The following CNTNAP2 variants were observed in gnomAD, a reference collection of about 807,000 sequenced individuals.
The protein encoded by CNTNAP2 is contactin-associated protein-like 2.
In CNTNAP2, 98 loss-of-function variants were observed where a neutral mutation model predicts 155.2. The ratio of observed to expected loss-of-function variants is 0.63; its 90% CI spans 0.54 to 0.75. The LOEUF is 0.75. Among genes scored for constraint, CNTNAP2 ranks in the 30% least tolerant of loss-of-function variants. The pLI, the probability that CNTNAP2 is intolerant of heterozygous loss-of-function variation, is 0.00. For missense variants in CNTNAP2, 1,727 were observed against 1,688.1 expected, an observed-to-expected ratio of 1.02 and a Z score of -0.40; for synonymous variants, 651 against 631.2, an observed-to-expected ratio of 1.03 and a Z score of -0.47.
At chr7:147,864,310 A>T (rs1046808564) in intron 13 of CNTNAP2, among the ~76,000 whole-genome samples, 1 of 152,204 alleles carries the variant, frequency 6.6e-6, no homozygotes, top group Admixed American at 6.5e-5. Context: ...CACCAATACC[A>T]TGCTGTTTTG....
At chr7:146,841,603 G>A (rs898304099) in intron 3 of CNTNAP2, among the ~76,000 whole-genome samples, 2 of 152,028 alleles carry the variant, frequency 1.3e-5, no homozygotes, top group African/African-American at 4.8e-5. Context: ...TAGCATGTTG[G>A]TAAAATTACT....
chr7:148,036,921 T>TAATAGCTAAAAATTCTTATCA (rs1802582766), intron 15 of CNTNAP2, among the ~76,000 whole-genome samples: 1 of 152,182 alleles, frequency 6.6e-6, no homozygotes, highest in African/African-American at 2.4e-5. Flanking sequence ...GACTGATATC[T>TAATAGCTAAAAATTCTTATCA]AATAGCTAAA....
intron 3 of CNTNAP2, among the ~76,000 whole-genome samples, chr7:146,962,242 CTG>C (rs1797570338): frequency 6.6e-6 from 1 of 152,242 alleles, no homozygotes; most frequent in Non-Finnish European, 1.5e-5. Context: ...AATAAGATAA[CTG>C]TTGAACAAAT....
intron 1 of CNTNAP2, among the ~76,000 whole-genome samples, chr7:146,568,540 A>C (rs945765387): frequency 6.6e-6 from 1 of 152,208 alleles, no homozygotes; most frequent in African/African-American, 2.4e-5. Context: ...TTGCTCTAAC[A>C]ATATTTGTTC....
At chr7:148,300,534 T>C (rs1046091645) in intron 21 of CNTNAP2, among the ~76,000 whole-genome samples, 1 of 151,588 alleles carries the variant, frequency 6.6e-6, no homozygotes, top group Non-Finnish European at 1.5e-5. Flanking sequence ...TTTTTTTTTT[T>C]TCACTGAGTT....
intron 12 of CNTNAP2, among the ~76,000 whole-genome samples, chr7:147,634,917 T>G (rs1795150946): frequency 6.6e-6 from 1 of 152,106 alleles, no homozygotes; most frequent in South Asian, 2.1e-4. Context: ...TATTCTTCCT[T>G]CTGTCACTCA....
intron 4 of CNTNAP2, among the ~76,000 whole-genome samples, chr7:147,051,624 G>A (rs567313567): frequency 6.6e-6 from 1 of 152,162 alleles, no homozygotes; most frequent in South Asian, 2.1e-4. Flanking sequence ...AGACACAGAG[G>A]TAAGAACATA....
intron 2 of CNTNAP2, among the ~76,000 whole-genome samples, chr7:146,792,509 C>T (rs1006888759): frequency 6.6e-6 from 1 of 152,094 alleles, no homozygotes; most frequent in African/African-American, 2.4e-5. Flanking sequence ...CCTGGAAAGG[C>T]CTAAATGATA....
intron 3 of CNTNAP2, among the ~76,000 whole-genome samples, chr7:146,921,288 A>G (rs1796492581): frequency 6.6e-6 from 1 of 152,184 alleles, no homozygotes; most frequent in South Asian, 2.1e-4. Context: ...TTAATTAGGA[A>G]TAAAAACTAA....
chr7:147,322,341 A>G (rs539950309), intron 9 of CNTNAP2, among the ~76,000 whole-genome samples: 1 of 152,352 alleles, frequency 6.6e-6, no homozygotes, highest in Admixed American at 6.5e-5. Context: ...CATCTTTGTA[A>G]TACTCCTATA....
At chr7:147,820,004 T>A (rs541779185) in intron 13 of CNTNAP2, among the ~76,000 whole-genome samples, 3 of 152,258 alleles carry the variant, frequency 2.0e-5, no homozygotes, top group South Asian at 4.1e-4. Flanking sequence ...TCTATTTTTT[T>A]AAAATTCTAC....
intron 10 of CNTNAP2, among the ~76,000 whole-genome samples, chr7:147,467,663 A>G (rs1798144036): frequency 6.6e-6 from 1 of 152,226 alleles, no homozygotes; most frequent in Non-Finnish European, 1.5e-5. Flanking sequence ...TACCCACTAA[A>G]TACAAATAAG....
At chr7:146,898,797 T>C (rs935697463) in intron 3 of CNTNAP2, among the ~76,000 whole-genome samples, 1 of 152,020 alleles carries the variant, frequency 6.6e-6, no homozygotes, top group African/African-American at 2.4e-5. Flanking sequence ...AAAAAGACAC[T>C]TTGACTCTTG....
In CNTNAP2 at chr7:147,307,091, C is replaced by A. The variant is rs948191309; in HGVS notation, c.1498+6801C>A. On this transcript the variant is annotated intron_variant, in intron 9 of 23. Transcript: ENST00000361727. The stretch of plus-strand genomic sequence containing the variant: ...GATGGGCATCTACTAAACAGTGAAG[C>A]ATAAGCTTAAAACCATAGAAATATT... 3.3e-5 allele frequency among the ~76,000 whole-genome samples: 5 copies of A among 152,272 alleles called. No homozygotes were observed. The South Asian group carries it at 1.0e-3, about 32-fold the overall frequency.
intron 13 of CNTNAP2, among the ~76,000 whole-genome samples, chr7:147,790,425 A>G (rs1443346355): frequency 1.3e-5 from 2 of 152,208 alleles, no homozygotes; most frequent in Non-Finnish European, 2.9e-5. Context: ...AAGAATAGTG[A>G]TACACTTCTT....
At chr7:147,364,710 A>G (rs1404215599) in intron 9 of CNTNAP2, among the ~76,000 whole-genome samples, 2 of 152,022 alleles carry the variant, frequency 1.3e-5, no homozygotes, top group African/African-American at 2.4e-5. Context: ...TTAGCCGGGA[A>G]TGGTGGCGGG....
intron 3 of CNTNAP2, among the ~76,000 whole-genome samples, chr7:147,010,832 G>A (rs575715818): frequency 3.3e-5 from 5 of 152,118 alleles, no homozygotes; most frequent in Admixed American, 1.3e-4. Context: ...AAACTAGCAG[G>A]TTAAAATGTG....
At chr7:147,052,640 G>A (rs930023642) in intron 4 of CNTNAP2, among the ~76,000 whole-genome samples, 1 of 151,508 alleles carries the variant, frequency 6.6e-6, no homozygotes, top group African/African-American at 2.4e-5. Flanking sequence ...TATTATTTCT[G>A]GTTATTATTT....
chr7:146,683,244 G>GCTGGTCTCAACCTC (rs1210501037), intron 1 of CNTNAP2, among the ~76,000 whole-genome samples: 20 of 152,162 alleles, frequency 1.3e-4, no homozygotes, highest in Non-Finnish European at 2.6e-4. Context: ...TGTTGGCCAG[G>GCTGGTCTCAACCTC]CTGGTCTCAA....
Sources: allele counts gnomAD v4.1 joint callset (sites outside exome capture counted in the v4.1 genomes callset), GRCh38; gene constraint gnomAD v4.1.1; transcripts MANE v1.5; gene names NCBI Gene and HGNC (gene_info 2026-07-23, HGNC 2026-07-21).